BTAF1: variants seen among roughly 807,000 people sequenced by gnomAD.
BTAF1 encodes the protein B-TFIID TATA-box binding protein associated factor 1.
In BTAF1, 38 loss-of-function variants were observed where a neutral mutation model predicts 227.1. The observed-to-expected ratio is 0.17, with a 90% CI of 0.13 to 0.22. The LOEUF (loss-of-function observed/expected upper bound fraction) is 0.22. BTAF1 is among the 10% of genes least tolerant of loss of function. The pLI, the probability that BTAF1 is intolerant of heterozygous loss-of-function variation, is 1.00. For synonymous variants in BTAF1, 742 were observed against 751.9 expected, an observed-to-expected ratio of 0.99 and a Z score of 0.21; for missense variants, 1,598 against 2,204.0, an observed-to-expected ratio of 0.73 and a Z score of 5.51.
intron 20 of BTAF1, among the ~76,000 whole-genome samples, chr10:91,990,870 G>A (rs1848682887): frequency 6.6e-6 from 1 of 152,106 alleles, no homozygotes; most frequent in Non-Finnish European, 1.5e-5. Flanking sequence ...ACTTTAGGAG[G>A]TCGAGGTGAG....
chr10:91,996,535 G>T lies in BTAF1; in HGVS notation c.3476G>T (p.Ser1159Ile), dbSNP rs760508898. The T allele has an allele frequency of 6.2e-7, 1 of 1,614,166 alleles. No individual in the cohort carries two copies. The highest frequency in any genetic ancestry group is 1.1e-5 in the South Asian group (1 of 91,080). Residue 1159 changes from serine to isoleucine, a missense_variant, in exon 24 of 38, where the codon AGT (serine) becomes ATT (isoleucine). Coordinates refer to ENST00000265990, the MANE Select transcript of BTAF1 (RefSeq NM_003972.3). ...CCGTGGCTGGGAGCAATTGATGACA[G>T]TGTCAAACAAGAGGGTGCAATTGAA... ...VLPWLGAIDD[S>I]VKQEGAIEAL... is the part of the protein sequence containing the mutation.
Position 91,923,862 on chromosome 10 carries a change from C to T in BTAF1, c.-215C>T. 3 of 470,928 alleles carry T rather than the reference C, an allele frequency of 6.4e-6. No homozygotes were observed. The highest frequency in any genetic ancestry group is 3.7e-6 in the Non-Finnish European group (1 of 270,680). 29.2% of individuals were successfully genotyped at this position (470,928 alleles called of 1,614,324 possible). On this transcript the variant is annotated 5_prime_UTR_variant, in exon 1 of 38. Transcript: ENST00000265990. ...GGTCGGAGGACTGCCGCCTCCGCTA[C>T]CGTCTTGGACCCCTGCTTACCGGCC...
intron 34 of BTAF1, among the ~76,000 whole-genome samples, chr10:92,023,344 G>A (rs1003627849): frequency 1.3e-5 from 2 of 152,104 alleles, no homozygotes; most frequent in African/African-American, 4.8e-5. Context: ...CAGAGCTTTT[G>A]GTGTTTTGAG....
chr10:91,956,704 T>G, intron 7 of BTAF1, 47 bp downstream of exon 7: 6 of 1,582,042 alleles, frequency 3.8e-6, no homozygotes, highest in Non-Finnish European at 5.1e-6. Context: ...GCTTATAATC[T>G]TTGGGCCAGC....
At chr10:91,968,964 G>A (rs1847109803) in intron 14 of BTAF1, among the ~76,000 whole-genome samples, 1 of 150,872 alleles carries the variant, frequency 6.6e-6, no homozygotes, top group Non-Finnish European at 1.5e-5. Flanking sequence ...GGGCTCAAGT[G>A]ATCTTCCCAT....
intron 30 of BTAF1, 57 bp downstream of exon 30, chr10:92,011,472 C>A: frequency 1.2e-6 from 1 of 842,402 alleles, no homozygotes; most frequent in Non-Finnish European, 1.6e-6. Flanking sequence ...TCATGTTTGC[C>A]AGGTGGAGGG....
At position 92,029,538 on chromosome 10, in the gene BTAF1, T is replaced by C. The variant is rs1036817732; in HGVS notation, c.*605T>C. 3 of 151,978 alleles carry C rather than the reference T, an allele frequency of 2.0e-5. No individual in the cohort carries two copies. Among genetic ancestry groups the C allele is most frequent in the African/African-American group, 4.8e-5 (2 of 41,414 alleles). The allele number at this position is 151,978 out of a possible 1,614,324, so 9.4% of individuals were successfully genotyped here. ...CATCATTTTTTCAACTTTTAAGATA[T>C]AATATCAACTATTCTAAATACAGGT... On this transcript the variant is annotated 3_prime_UTR_variant, in exon 38 of 38. Transcript: ENST00000265990.
chr10:92,024,255 G>A (rs1420996099), intron 34 of BTAF1, among the ~76,000 whole-genome samples: 1 of 152,084 alleles, frequency 6.6e-6, no homozygotes, highest in Non-Finnish European at 1.5e-5. Context: ...CTGCTCCATT[G>A]TTTTCTTCAT....
intron 1 of BTAF1, among the ~76,000 whole-genome samples, chr10:91,925,516 C>CTTTTTTTTTTTTTTTTTTTTTTTTTTT (rs6144026): frequency 1.7e-5 from 2 of 114,580 alleles, no homozygotes; most frequent in Non-Finnish European, 3.8e-5. Flanking sequence ...ACGCTAATCT[C>CTTTTTTTTTTTTTTTTTTTTTTTTTTT]TTTTTTTTTT....
intron 14 of BTAF1, among the ~76,000 whole-genome samples, chr10:91,976,846 C>T (rs1564688458): frequency 6.6e-6 from 1 of 152,174 alleles, no homozygotes; most frequent in Non-Finnish European, 1.5e-5. Context: ...GGCCTTTGCT[C>T]TCCTGTAGTG....
intron 7 of BTAF1, among the ~76,000 whole-genome samples, 168 bp from the exon 8 acceptor site, chr10:91,957,053 CTATT>C (rs779671551): frequency 4.6e-5 from 7 of 151,906 alleles, no homozygotes; most frequent in Non-Finnish European, 8.8e-5. Flanking sequence ...ATTGAATAAT[CTATT>C]GAGAGAAATT....
At chr10:91,929,492 A>G (rs970376412) in intron 1 of BTAF1, among the ~76,000 whole-genome samples, 1 of 152,258 alleles carries the variant, frequency 6.6e-6, no homozygotes, top group Non-Finnish European at 1.5e-5. Flanking sequence ...AAATTGCTAC[A>G]TATAGCAGAC....
chr10:91,950,148 T>TGG (rs368819509), intron 4 of BTAF1, among the ~76,000 whole-genome samples: 4 of 24,376 alleles, frequency 1.6e-4, no homozygotes, highest in African/African-American at 4.2e-4. Context: ...TTGTCCTTTG[T>TGG]GGGGGGGGGC....
intron 32 of BTAF1, 130 bp from the exon 33 acceptor site, chr10:92,016,210 A>C: frequency 9.6e-7 from 1 of 1,039,160 alleles, no homozygotes; most frequent in African/African-American, 1.7e-5. Context: ...TGAATTAGAG[A>C]TATCACAATT....
chr10:92,002,238 T>C lies in BTAF1; in HGVS notation c.3660+4487T>C, dbSNP rs114660078. ...GAATGATGTCGTTTAAGTTCATTCC[T>C]GTTCCTCTTTATTTTGATTCTCTCT... On this transcript the variant is annotated intron_variant, in intron 25 of 37. Transcript: ENST00000265990. Among the ~76,000 whole-genome samples, 853 of 152,322 alleles carry C rather than the reference T, an allele frequency of 5.6e-3. 10 individuals carry two copies. Among genetic ancestry groups the C allele is most frequent in the African/African-American group, 0.02 (814 of 41,582 alleles).
At chr10:92,020,329 T>C (rs925153409) in intron 34 of BTAF1, among the ~76,000 whole-genome samples, 1 of 152,238 alleles carries the variant, frequency 6.6e-6, no homozygotes, top group Non-Finnish European at 1.5e-5. Context: ...TTTTAAAAAT[T>C]AATTTTTAAA....
At position 91,939,944 on chromosome 10, in the gene BTAF1, T is replaced by A; in HGVS notation, c.139-8T>A. ...TGTATACGTAACTTTTATTTTATAA[T>A]TTTTAAGGTGTTGATATATTTAAGG... On this transcript the variant is annotated splice_region_variant and splice_polypyrimidine_tract_variant and intron_variant, in intron 2 of 37. Coordinates refer to ENST00000265990, the MANE Select transcript of BTAF1 (RefSeq NM_003972.3). 1 of 1,583,272 alleles carries A rather than the reference T, an allele frequency of 6.3e-7. No individual in the cohort carries two copies. The highest frequency in any genetic ancestry group is 1.3e-5 in the African/African-American group (1 of 74,364).
intron 20 of BTAF1, among the ~76,000 whole-genome samples, chr10:91,991,456 C>G (rs1271443392): frequency 6.7e-6 from 1 of 148,156 alleles, no homozygotes; most frequent in Non-Finnish European, 1.5e-5. Context: ...AAAATAACAA[C>G]AAAAAATTAA....
At chr10:91,996,690 C>A (rs1217133567) in intron 24 of BTAF1, 120 bp downstream of exon 24, 2 of 880,338 alleles carry the variant, frequency 2.3e-6, no homozygotes, top group Non-Finnish European at 3.3e-6. Context: ...CCAAAAAATA[C>A]CTATTCTTTT....
Sources: allele counts gnomAD v4.1 joint callset (sites outside exome capture counted in the v4.1 genomes callset), GRCh38; gene constraint gnomAD v4.1.1; transcripts MANE v1.5; gene names NCBI Gene and HGNC (gene_info 2026-07-23, HGNC 2026-07-21).